Variants in CIART observed in about 807,000 individuals in gnomAD.
CIART encodes circadian-associated transcriptional repressor.
CIART carries 7 observed loss-of-function variants against 22.1 expected under a neutral mutation model. The observed-to-expected ratio is 0.32, with a 90% CI of 0.18 to 0.59. The LOEUF is 0.59. CIART is among the 20% of genes least tolerant of loss of function. The probability of loss-of-function intolerance (pLI) is 0.86; values close to 1 mark genes in which losing one functional copy is unlikely to be tolerated. For missense variants in CIART, 440 were observed against 478.0 expected (o/e 0.92, Z 0.74); for synonymous variants, 163 against 174.6 (o/e 0.93, Z 0.53).
At chr1:150,285,136 G>GA in intron 4 of CIART, 44 of 190,846 alleles carry the variant, frequency 2.3e-4, no homozygotes, top group South Asian at 1.0e-3. Flanking sequence ...CAGTTTTTGA[G>GA]TCTACACTGG....
Position 150,283,301 on chromosome 1 carries a change from T to A in CIART, c.34T>A (p.Ser12Thr). ...TCCATCTAGCGTTTCTTCCTATTCC[T>A]CCTACTCTCTCTCTTCGTCTTTTCC... ...DSPSSVSSYS[S>T]YSLSSSFPTS... Residue 12 changes from serine to threonine, a missense_variant, in exon 1 of 5, where the codon TCC becomes ACC. Coordinates refer to ENST00000290363, the MANE Select transcript of CIART (RefSeq NM_144697.4). 1 of 1,532,878 alleles carries A rather than the reference T, an allele frequency of 6.5e-7. No individual in the cohort carries two copies. The highest frequency in any genetic ancestry group is 1.4e-5 in the African/African-American group (1 of 72,288). The allele number at this position is 1,532,878 out of a possible 1,614,324, so 95.0% of individuals were successfully genotyped here. A position where few individuals can be genotyped will look rare whatever the true frequency, so the allele number is the denominator to read the frequency against.
chr1:150,283,707 G>A, intron 1 of CIART, 74 bp downstream of exon 1: 5 of 1,570,442 alleles, frequency 3.2e-6, no homozygotes, highest in South Asian at 2.2e-5. Flanking sequence ...GACCCTGTGA[G>A]GACAGTATTG....
Position 150,283,285 on chromosome 1 carries a change from C to T in CIART, c.18C>T (p.Ser6=), listed in dbSNP as rs1192654993. 6.6e-7 allele frequency: 1 copy of T among 1,521,146 alleles called. No individual in the cohort carries two copies. 94.2% of individuals were successfully genotyped at this position (1,521,146 alleles called of 1,614,324 possible). Residue 6 remains serine (S), a synonymous_variant, in exon 1 of 5, where the codon AGC becomes AGT. Transcript: ENST00000290363. MDSPS[S]VSSYSSYSLS... ...CTGGACCTATGGATTCTCCATCTAG[C>T]GTTTCTTCCTATTCCTCCTACTCTC...
Position 150,286,423 on chromosome 1 carries a change from T to G in CIART, c.634-7T>G. 1 of 1,558,346 alleles carries G rather than the reference T, an allele frequency of 6.4e-7. No individual in the cohort carries two copies. Among genetic ancestry groups the G allele is most frequent in the Non-Finnish European group, 8.8e-7 (1 of 1,130,392 alleles). ...ATTTCTTTTTTTCTCATTTCTCCCCTCTCTAGCATTTTCCAAGCCACCACA... is the reference window on the plus strand; with the variant it reads ...ATTTCTTTTTTTCTCATTTCTCCCCGCTCTAGCATTTTCCAAGCCACCACA... On this transcript the variant is annotated splice_polypyrimidine_tract_variant and splice_region_variant and intron_variant, in intron 4 of 4. Transcript: ENST00000290363.
At chr1:150,284,363 C>T in intron 2 of CIART, 63 bp from the exon 3 acceptor site, 1 of 1,446,828 alleles carries the variant, frequency 6.9e-7, no homozygotes, top group Admixed American at 1.7e-5. Context: ...CCCTTCTGTT[C>T]TTCCTTTACC....
chr1:150,286,725 C>T lies in CIART; in HGVS notation c.929C>T (p.Thr310Ile), dbSNP rs782248148. ...CCCTTCACCCACTCTGCCCCAACCA[C>T]CCCAGTCCCACCTACTACAGCATCT... ...VQPFTHSAPT[T>I]PVPPTTASPV... is the part of the protein sequence containing the mutation. Residue 310 changes from threonine (T) to isoleucine (I), a missense_variant, in exon 5 of 5, where the codon ACC becomes ATC. By Grantham distance (89) the Thr-to-Ile change is moderately conservative. Coordinates refer to ENST00000290363, the MANE Select transcript of CIART (RefSeq NM_144697.4). 1 of 1,613,528 alleles carries T rather than the reference C, an allele frequency of 6.2e-7. No individual in the cohort carries two copies. Among genetic ancestry groups the T allele is most frequent in the Non-Finnish European group, 8.5e-7 (1 of 1,179,428 alleles).
At chr1:150,284,931 G>A in intron 4 of CIART, 1 of 574,500 alleles carries the variant, frequency 1.7e-6, no homozygotes, top group Non-Finnish European at 3.1e-6. Flanking sequence ...ACTCCATGAA[G>A]TTTAATCCTA....
rs782717183 is a variant in CIART at position 150,286,669 on chromosome 1, C to T, written c.873C>T (p.Gly291=). 1.2e-5 allele frequency: 20 copies of T among 1,614,064 alleles called. No individual in the cohort carries two copies. The highest frequency in any genetic ancestry group is 2.2e-5 in the East Asian group (1 of 44,892). The change falls in exon 5 of 5, where the codon GGC becomes GGT. Residue 291 remains glycine (G), a synonymous_variant. Coordinates refer to ENST00000290363, the MANE Select transcript of CIART (RefSeq NM_144697.4). ...CTTTAGGCACTGGAACCGGCATTGG[C>T]GTCATTCTTTTCCTCCAGCATGGAG... ...HGPLGTGTGI[G]VILFLQHGVQ... is the part of the protein sequence containing the mutation.
rs2093862 is a variant in CIART at position 150,284,009 on chromosome 1, A to G, written c.442+129A>G. 3.8e-4 allele frequency: 159 copies of G among 419,620 alleles called. 1 individual carries two copies. The Middle Eastern group carries it at 0.012, about 31-fold the overall frequency. The allele number at this position is 419,620 out of a possible 1,614,324, so 26.0% of individuals were successfully genotyped here. A position where few individuals can be genotyped will look rare whatever the true frequency, so the allele number is the denominator to read the frequency against. On this transcript the variant is annotated intron_variant, in intron 2 of 4. Transcript: ENST00000290363. ...CCTTTTTTGCTACTATGACTTTATT[A>G]TTATTATTATTATTATTATTATTTT...
chr1:150,286,599 A>AC lies in CIART; in HGVS notation c.809dup (p.Leu271SerfsTer10). On this transcript the variant is annotated frameshift_variant, in exon 5 of 5. Transcript: ENST00000290363. LOFTEE classifies it low-confidence loss of function (END_TRUNC). The stretch of plus-strand genomic sequence containing the variant: ...TGGATCCACACCACTCCAATTTGCA[A>AC]CCCCCCTCTCAGCTCCCCAGGTACT... 1.9e-6 allele frequency: 3 copies of AC among 1,608,372 alleles called. No individual in the cohort carries two copies. Among genetic ancestry groups the AC allele is most frequent in the Non-Finnish European group, 2.6e-6 (3 of 1,175,408 alleles).
At position 150,283,535 on chromosome 1, in the gene CIART, G is replaced by A; in HGVS notation, c.268G>A (p.Ala90Thr). The A allele has an allele frequency of 6.2e-7, 1 of 1,614,194 alleles. No individual in the cohort carries two copies. The highest frequency in any genetic ancestry group is 1.3e-5 in the African/African-American group (1 of 75,050). Residue 90 changes from alanine to threonine, a missense_variant, in exon 1 of 5, where the codon GCA (alanine) becomes ACA (threonine). Transcript: ENST00000290363. ...ACAGCGGGGTTCGGCTTCTCCTATG[G>A]CAGGATCTGGGGCGAAAAGATCAAG... ...PKQRGSASPM[A>T]GSGAKRSRDG...
chr1:150,282,935 A>C lies in CIART; in HGVS notation c.-333A>C. ...CCTGGCGAACAACGGGCGGAGGGGA[A>C]GGTGTCTTTCAAGTCGGTATTTACT... is the stretch of plus-strand genomic sequence containing the variant. On this transcript the variant is annotated 5_prime_UTR_variant, in exon 1 of 5. Coordinates refer to ENST00000290363, the MANE Select transcript of CIART (RefSeq NM_144697.4). 1 of 158,092 alleles carries C rather than the reference A, an allele frequency of 6.3e-6. No homozygotes were observed. The highest frequency in any genetic ancestry group is 1.4e-5 in the Non-Finnish European group (1 of 73,556). 9.8% of individuals were successfully genotyped at this position (158,092 alleles called of 1,614,324 possible).
chr1:150,283,768 T>C, intron 1 of CIART, 37 bp from the exon 2 acceptor site: 1 of 1,553,148 alleles, frequency 6.4e-7, no homozygotes, highest in Non-Finnish European at 8.9e-7. Context: ...TGGGCAGTTT[T>C]TTGTCTTCTT....
intron 2 of CIART, among the ~76,000 whole-genome samples, 157 bp from the exon 3 acceptor site, chr1:150,284,267 CCT>C (rs1560052373): frequency 1.3e-5 from 2 of 152,214 alleles, no homozygotes. Flanking sequence ...GATCCACCCA[CCT>C]CAGCCTCCCA....
rs892550146 is a variant in CIART, at chr1:150,283,038, G to A, written c.-230G>A. The A allele has an allele frequency of 6.2e-6, 2 of 321,390 alleles. No homozygotes were observed. Among genetic ancestry groups the A allele is most frequent in the Non-Finnish European group, 1.1e-5 (2 of 180,738 alleles). 19.9% of individuals were successfully genotyped at this position (321,390 alleles called of 1,614,324 possible). ...GCGGCGGCCAGAGAGGGAATCCCAAGCTCTTAATGGGCGGGGGTGGGGGTA... is the reference window on the plus strand; with the variant it reads ...GCGGCGGCCAGAGAGGGAATCCCAAACTCTTAATGGGCGGGGGTGGGGGTA... On this transcript the variant is annotated 5_prime_UTR_variant, in exon 1 of 5. Transcript: ENST00000290363.
At position 150,284,451 on chromosome 1, in the gene CIART, G is replaced by A; in HGVS notation, c.468G>A (p.Val156=). The A allele has an allele frequency of 6.2e-7, 1 of 1,612,368 alleles. No individual in the cohort carries two copies. ...GATTAAGCAGTTTTCAGCAGAGTGT[G>A]GCAATGGACAGGATCCAGCGTATTG... is the stretch of plus-strand genomic sequence containing the variant. ...ERGLSSFQQS[V]AMDRIQRIVG... The change falls in exon 3 of 5, where the codon GTG becomes GTA. Residue 156 remains valine, a synonymous_variant. Coordinates refer to ENST00000290363, the MANE Select transcript of CIART (RefSeq NM_144697.4).
Position 150,286,478 on chromosome 1 carries a change from C to G in CIART, c.682C>G (p.Pro228Ala). 6.3e-7 allele frequency: 1 copy of G among 1,589,276 alleles called. No individual in the cohort carries two copies. Among genetic ancestry groups the G allele is most frequent in the Middle Eastern group, 1.7e-4 (1 of 6,010 alleles). Residue 228 changes from proline to alanine, a missense_variant, in exon 5 of 5, where the codon CCT (proline) becomes GCT (alanine). Pro to Ala is a conservative substitution (Grantham distance 27). Transcript: ENST00000290363. ...SDSAASSPASPMEKMDQTQLG... is the reference protein window; with the variant it reads ...SDSAASSPASAMEKMDQTQLG... ...TTCAGCTGCTTCCTCTCCTGCATCT[C>G]CTATGGAAAAGATGGACCAGACACA...
In CIART at chr1:150,287,008, A is replaced by T. The variant is rs1190523661; in HGVS notation, c.*54A>T. ...TTCTAATTTGTGTAAATATTTATGTATATATGTATTTTTACTATTAATGTG... is the reference window on the plus strand; with the variant it reads ...TTCTAATTTGTGTAAATATTTATGTTTATATGTATTTTTACTATTAATGTG... On this transcript the variant is annotated 3_prime_UTR_variant, in exon 5 of 5. Transcript: ENST00000290363. 2.8e-6 allele frequency: 4 copies of T among 1,413,166 alleles called. No homozygotes were observed. Among genetic ancestry groups the T allele is most frequent in the Non-Finnish European group, 3.8e-6 (4 of 1,049,126 alleles). The allele number at this position is 1,413,166 out of a possible 1,614,324, so 87.5% of individuals were successfully genotyped here. A position where few individuals can be genotyped will look rare whatever the true frequency, so the allele number is the denominator to read the frequency against.
Position 150,283,401 on chromosome 1 carries a change from G to C in CIART, c.134G>C (p.Arg45Thr). 1.9e-6 allele frequency: 3 copies of C among 1,613,854 alleles called. No homozygotes were observed. Among genetic ancestry groups the C allele is most frequent in the Non-Finnish European group, 2.5e-6 (3 of 1,179,794 alleles). ...GAGGACAAGGGGGCCCATGGGCCCA[G>C]GCCAGACACTGTTGGGCAGAGGGGA... Reference protein sequence around the residue: ...EREDKGAHGPRPDTVGQRGGS... With the variant: ...EREDKGAHGPTPDTVGQRGGS... Residue 45 changes from arginine to threonine, a missense_variant, in exon 1 of 5, where the codon AGG (arginine) becomes ACG (threonine). Arg to Thr is a moderately conservative substitution (Grantham distance 71). Transcript: ENST00000290363.
Sources: allele counts gnomAD v4.1 joint callset (sites outside exome capture counted in the v4.1 genomes callset), GRCh38; gene constraint gnomAD v4.1.1; transcripts MANE v1.5; gene names NCBI Gene and HGNC (gene_info 2026-07-23, HGNC 2026-07-21).